KLRD1: variants seen among roughly 807,000 people sequenced by gnomAD.
KLRD1 encodes the protein natural killer cells antigen CD94.
A neutral mutation model predicts 22.6 loss-of-function variants in KLRD1; 21 were observed. The observed-to-expected ratio is 0.93, with a 90% CI of 0.66 to 1.34. KLRD1 has a LOEUF of 1.34. Among genes scored for constraint, KLRD1 ranks in the 40% most tolerant of loss-of-function variants. The probability of loss-of-function intolerance (pLI) is 0.00; values close to 1 mark genes in which losing one functional copy is unlikely to be tolerated. For missense variants in KLRD1, 183 were observed against 208.6 expected, an observed-to-expected ratio of 0.88 and a Z score of 0.76; for synonymous variants, 59 against 71.1, an observed-to-expected ratio of 0.83 and a Z score of 0.85.
At position 10,253,545 on chromosome 12, in the gene KLRD1, C is replaced by T. The variant is rs142031860; in HGVS notation, c.-101+27312C>T. ...ATTATACCCAGTACCCAATAGATAC[C>T]TTTTCTGCTCCTCTCCCTTCTCTCA... On this transcript the variant is annotated intron_variant, in intron 1 of 5. Coordinates refer to the KLRD1 transcript ENST00000544747. 1.4e-4 allele frequency among the ~76,000 whole-genome samples: 19 copies of T among 136,434 alleles called. No individual in the cohort carries two copies. In the East Asian group the frequency reaches 3.8e-3, roughly 27 times the overall value. 89.5% of individuals were successfully genotyped at this position (136,434 alleles called of 152,430 possible).
intron 1 of KLRD1, among the ~76,000 whole-genome samples, chr12:10,285,569 T>C (rs1949693726): frequency 6.6e-6 from 1 of 152,246 alleles, no homozygotes; most frequent in African/African-American, 2.4e-5. Context: ...CATGGTTTTA[T>C]TTAACATCTT....
intron 1 of KLRD1, among the ~76,000 whole-genome samples, chr12:10,262,198 A>AT (rs1949460089): frequency 2.6e-5 from 4 of 152,104 alleles, no homozygotes; most frequent in African/African-American, 4.8e-5. Context: ...AAGAATGAAT[A>AT]CCACATTATA....
chr12:10,304,037 A>G (rs1949889665), upstream of KLRD1, among the ~76,000 whole-genome samples: 1 of 152,240 alleles, frequency 6.6e-6, no homozygotes, highest in Non-Finnish European at 1.5e-5. Context: ...AAACTTAACC[A>G]GTTCTTCAAG....
In KLRD1 at chr12:10,311,754, T is replaced by C. The variant is rs968492682; in HGVS notation, c.315+139T>C. On this transcript the variant is annotated intron_variant, in intron 4 of 5. Transcript: ENST00000336164. ...TTGGAATTGAGTTATCTGTTCTGTG[T>C]ACCTTAAAGTAGTCATTGTAAAATC... 2.4e-5 allele frequency: 15 copies of C among 624,512 alleles called. No homozygotes were observed. The East Asian group carries it at 4.3e-4, about 18-fold the overall frequency. 38.7% of individuals were successfully genotyped at this position (624,512 alleles called of 1,614,324 possible).
intron 1 of KLRD1, among the ~76,000 whole-genome samples, chr12:10,256,079 T>C (rs1592030272): frequency 6.6e-6 from 1 of 152,066 alleles, no homozygotes; most frequent in South Asian, 2.1e-4. Context: ...TATGATATTC[T>C]TTGTCTTTTA....
Position 10,329,139 on chromosome 12 carries a change from A to G in KLRD1, c.*14346A>G, listed in dbSNP as rs999268690. 1 of 152,186 alleles carries G rather than the reference A, an allele frequency of 6.6e-6. No individual in the cohort carries two copies. The highest frequency in any genetic ancestry group is 1.5e-5 in the Non-Finnish European group (1 of 68,028). The allele number at this position is 152,186 out of a possible 1,614,324, so 9.4% of individuals were successfully genotyped here. ...AGACCTTTCTTTTTTCTTAATGCAG[A>G]TATTCATCACTATAAACTTTTCTTT... On this transcript the variant is annotated 3_prime_UTR_variant, in exon 6 of 6. Coordinates refer to ENST00000336164, the MANE Select transcript of KLRD1 (RefSeq NM_002262.5).
At chr12:10,251,802 G>A (rs991585761) in intron 1 of KLRD1, among the ~76,000 whole-genome samples, 3 of 152,092 alleles carry the variant, frequency 2.0e-5, no homozygotes, top group African/African-American at 7.2e-5. Context: ...AACAGGGTTT[G>A]TGCTCCTATG....
At chr12:10,302,153 G>A (rs1393040174), upstream of KLRD1, among the ~76,000 whole-genome samples, 1 of 152,160 alleles carries the variant, frequency 6.6e-6, no homozygotes, top group Non-Finnish European at 1.5e-5. Flanking sequence ...GTGACGGAGA[G>A]ACATGAATTG....
intron 1 of KLRD1, among the ~76,000 whole-genome samples, chr12:10,286,816 T>G (rs1335135389): frequency 6.6e-6 from 1 of 151,952 alleles, no homozygotes; most frequent in Non-Finnish European, 1.5e-5. Flanking sequence ...GTCCCGTAAC[T>G]GTTTACATTC....
chr12:10,244,137 G>A (rs1949268473), intron 1 of KLRD1, among the ~76,000 whole-genome samples: 1 of 152,090 alleles, frequency 6.6e-6, no homozygotes, highest in Non-Finnish European at 1.5e-5. Context: ...TAAAGGATTG[G>A]TAAGGTGGTT....
At chr12:10,309,864 C>A (rs1950018176) in intron 3 of KLRD1, among the ~76,000 whole-genome samples, 176 bp downstream of exon 3, 1 of 152,146 alleles carries the variant, frequency 6.6e-6, no homozygotes, top group Non-Finnish European at 1.5e-5. Context: ...TTAAATTACA[C>A]TGAATGTGTA....
chr12:10,266,254 T>C (rs960174815), intron 1 of KLRD1, among the ~76,000 whole-genome samples: 2 of 152,194 alleles, frequency 1.3e-5, no homozygotes, highest in Non-Finnish European at 2.9e-5. Flanking sequence ...AAATGTAAAA[T>C]ATAAGTAAAA....
intron 1 of KLRD1, among the ~76,000 whole-genome samples, chr12:10,252,780 C>T (rs182353297): frequency 6.6e-6 from 1 of 152,064 alleles, no homozygotes; most frequent in Admixed American, 6.5e-5. Flanking sequence ...AGACATGACA[C>T]TGAAGAAGAA....
rs1026223186 is a variant in KLRD1, at chr12:10,284,110, T to G, written c.-100-23868T>G. Among the ~76,000 whole-genome samples, 11 of 151,490 alleles carry G rather than the reference T, an allele frequency of 7.3e-5. No homozygotes were observed. In the South Asian group the frequency reaches 2.3e-3, roughly 32 times the overall value. ...GCTGAGGCAGGAGAATCACCTGAAC[T>G]GGGAGGTGGAGGTTGCAGTGAGCCC... On this transcript the variant is annotated intron_variant, in intron 1 of 5. Coordinates refer to the KLRD1 transcript ENST00000544747.
chr12:10,302,169 A>G (rs1046226579), upstream of KLRD1, among the ~76,000 whole-genome samples: 1 of 152,232 alleles, frequency 6.6e-6, no homozygotes, highest in African/African-American at 2.4e-5. Flanking sequence ...AATTGAACAC[A>G]TGCTTTTGGA....
In KLRD1 at chr12:10,324,814, G is replaced by GTATATATATATATATA. The variant is rs1246906245; in HGVS notation, c.*10022_*10023insATATATATATATATAT. ...TGTAAGTATATATGTATATGTGTGT[G>GTATATATATATATATA]TGTGTATATATATATATATATATAT... On this transcript the variant is annotated 3_prime_UTR_variant, in exon 6 of 6. Transcript: ENST00000336164. The GTATATATATATATATA allele has an allele frequency of 4.2e-4, 5 of 11,948 alleles. No individual in the cohort carries two copies. Among genetic ancestry groups the GTATATATATATATATA allele is most frequent in the Non-Finnish European group, 5.4e-4 (3 of 5,584 alleles). 0.7% of individuals were successfully genotyped at this position (11,948 alleles called of 1,614,324 possible).
Position 10,307,941 on chromosome 12 carries a change from T to G in KLRD1, c.-137T>G. 1 of 755,042 alleles carries G rather than the reference T, an allele frequency of 1.3e-6. No homozygotes were observed. Among genetic ancestry groups the G allele is most frequent in the Middle Eastern group, 2.4e-4 (1 of 4,200 alleles). The allele number at this position is 755,042 out of a possible 1,614,324, so 46.8% of individuals were successfully genotyped here. On this transcript the variant is annotated 5_prime_UTR_variant, in exon 1 of 6. Transcript: ENST00000336164. ...CATTTAAATACACAATTTTTCATTCTCTATTTTTGCTAAATTTCTTCATAC... is the reference window on the plus strand; with the variant it reads ...CATTTAAATACACAATTTTTCATTCGCTATTTTTGCTAAATTTCTTCATAC...
intron 1 of KLRD1, among the ~76,000 whole-genome samples, chr12:10,298,435 A>G (rs1949839764): frequency 6.6e-6 from 1 of 152,200 alleles, no homozygotes; most frequent in Admixed American, 6.5e-5. Context: ...GTACAGAAGG[A>G]CTCATTATGA....
chr12:10,292,434 T>C (rs1318385875), intron 1 of KLRD1, among the ~76,000 whole-genome samples: 1 of 152,212 alleles, frequency 6.6e-6, no homozygotes, highest in Admixed American at 6.5e-5. Context: ...GACTGCCGAA[T>C]GGATATTGTG....
Sources: allele counts gnomAD v4.1 joint callset (sites outside exome capture counted in the v4.1 genomes callset), GRCh38; gene constraint gnomAD v4.1.1; transcripts MANE v1.5; gene names NCBI Gene and HGNC (gene_info 2026-07-23, HGNC 2026-07-21).